FKTN: variants seen among roughly 807,000 people sequenced by gnomAD.
The protein encoded by FKTN is fukutin.
FKTN carries 47 observed loss-of-function variants against 58.6 expected under a neutral mutation model. The ratio of observed to expected loss-of-function variants is 0.80; its 90% CI spans 0.63 to 1.02. FKTN has a LOEUF of 1.02. FKTN is among the 50% of genes least tolerant of loss of function. The pLI, the probability that FKTN is intolerant of heterozygous loss-of-function variation, is 0.00. For synonymous variants in FKTN, 178 were observed against 191.9 expected (o/e 0.93, Z 0.60); for missense variants, 516 against 537.3 (o/e 0.96, Z 0.39).
intron 1 of FKTN, among the ~76,000 whole-genome samples, chr9:105,564,125 C>T (rs1181008797): frequency 6.6e-6 from 1 of 152,194 alleles, no homozygotes; most frequent in East Asian, 1.9e-4. Context: ...ACAGAAAGGA[C>T]ATCCACATCA....
intron 3 of FKTN, among the ~76,000 whole-genome samples, chr9:105,594,608 G>A (rs1038985115): frequency 6.6e-5 from 10 of 152,190 alleles, no homozygotes; most frequent in African/African-American, 2.4e-4. Context: ...GCCAGGTGTG[G>A]TAGTGCATGC....
intron 3 of FKTN, among the ~76,000 whole-genome samples, chr9:105,594,703 G>A (rs1309855902): frequency 2.0e-5 from 3 of 152,132 alleles, no homozygotes; most frequent in Admixed American, 6.5e-5. Flanking sequence ...CCGTGATCAC[G>A]CCACTGCACT....
At chr9:105,589,196 CT>C (rs1158992666) in intron 3 of FKTN, among the ~76,000 whole-genome samples, 4 of 152,138 alleles carry the variant, frequency 2.6e-5, no homozygotes, top group Non-Finnish European at 5.9e-5. Flanking sequence ...TTTTTACATT[CT>C]TTCTGAAGAA....
chr9:105,607,882 C>T lies in FKTN; in HGVS notation c.711C>T (p.His237=). ...LEVLIPKDPM[H]FVEEVPHSRF... The stretch of plus-strand genomic sequence containing the variant: ...TTCTCATTCCAAAGGATCCAATGCA[C>T]TTTGTAGAAGAAGTACCACACTCTA... The change falls in exon 7 of 11, where the codon CAC becomes CAT. Residue 237 remains histidine, a synonymous_variant. Coordinates refer to ENST00000357998, the MANE Select transcript of FKTN (RefSeq NM_001079802.2). 1 of 1,611,672 alleles carries T rather than the reference C, an allele frequency of 6.2e-7. No homozygotes were observed. Among genetic ancestry groups the T allele is most frequent in the Non-Finnish European group, 8.5e-7 (1 of 1,178,068 alleles).
intron 3 of FKTN, among the ~76,000 whole-genome samples, chr9:105,588,044 T>A (rs967998440): frequency 1.3e-5 from 2 of 152,236 alleles, no homozygotes; most frequent in African/African-American, 2.4e-5. Flanking sequence ...TTTCTGAAAG[T>A]ACTACTGTTT....
intron 10 of FKTN, among the ~76,000 whole-genome samples, chr9:105,623,903 A>T (rs1183909246): frequency 6.6e-6 from 1 of 152,234 alleles, no homozygotes; most frequent in Non-Finnish European, 1.5e-5. Context: ...AGGTAGACTT[A>T]GGAGAAATGT....
In FKTN at chr9:105,635,668, A is replaced by G; in HGVS notation, c.*404A>G. ...CTAAGGAAGGATATACTAGTTGAAA[A>G]GAATAACCCACTCCTCTTCTGGGCA... On this transcript the variant is annotated 3_prime_UTR_variant, in exon 11 of 11. Transcript: ENST00000357998. 2 of 1,091,546 alleles carry G rather than the reference A, an allele frequency of 1.8e-6. No individual in the cohort carries two copies. Among genetic ancestry groups the G allele is most frequent in the Non-Finnish European group, 2.2e-6 (2 of 895,742 alleles). 67.6% of individuals were successfully genotyped at this position (1,091,546 alleles called of 1,614,324 possible). A position where few individuals can be genotyped will look rare whatever the true frequency, so the allele number is the denominator to read the frequency against.
intron 3 of FKTN, among the ~76,000 whole-genome samples, chr9:105,582,632 A>G (rs573982834): frequency 1.3e-5 from 2 of 152,208 alleles, no homozygotes; most frequent in African/African-American, 2.4e-5. Context: ...ATAACAGACT[A>G]TACTGATTCT....
Position 105,601,213 on chromosome 9 carries a change from G to T in FKTN, c.234G>T (p.Leu78Phe). ...TACCAGTGTTTCTTATTGATCCTTT[G>T]ATACTGGAATTGATTAATAAGAACT... ...QNVPVFLIDP[L>F]ILELINKNFE... The change falls in exon 5 of 11, where the codon TTG becomes TTT. Residue 78 changes from leucine (L) to phenylalanine (F), a missense_variant. Leu to Phe is a conservative substitution (Grantham distance 22). Coordinates refer to ENST00000357998, the MANE Select transcript of FKTN (RefSeq NM_001079802.2). 1 of 1,609,518 alleles carries T rather than the reference G, an allele frequency of 6.2e-7. No homozygotes were observed. The highest frequency in any genetic ancestry group is 1.1e-5 in the South Asian group (1 of 90,946).
In FKTN at chr9:105,641,112, C is replaced by A. The variant is rs758844123; in HGVS notation, c.*5848C>A. 2 of 152,146 alleles carry A rather than the reference C, an allele frequency of 1.3e-5. No individual in the cohort carries two copies. Among genetic ancestry groups the A allele is most frequent in the Non-Finnish European group, 2.9e-5 (2 of 68,018 alleles). 9.4% of individuals were successfully genotyped at this position (152,146 alleles called of 1,614,324 possible). A position where few individuals can be genotyped will look rare whatever the true frequency, so the allele number is the denominator to read the frequency against. On this transcript the variant is annotated 3_prime_UTR_variant, in exon 11 of 11. Coordinates refer to ENST00000357998, the MANE Select transcript of FKTN (RefSeq NM_001079802.2). Reference sequence around the variant, plus strand: ...GGATGATGAATAAAATTTTTCTAATCTCTTGAGATATCTTGTATTTATTTT... The same window carrying A: ...GGATGATGAATAAAATTTTTCTAATATCTTGAGATATCTTGTATTTATTTT...
At chr9:105,603,898 G>C in intron 5 of FKTN, 1 of 357,146 alleles carries the variant, frequency 2.8e-6, no homozygotes, top group Non-Finnish European at 5.4e-6. Context: ...AAACTCCTGA[G>C]CTCAAGTGAT....
intron 1 of FKTN, among the ~76,000 whole-genome samples, chr9:105,564,908 G>A (rs1839093693): frequency 6.6e-6 from 1 of 152,164 alleles, no homozygotes; most frequent in Non-Finnish European, 1.5e-5. Context: ...GAAAGGTCGG[G>A]TTACCCACAA....
chr9:105,582,692 C>T (rs968517721), intron 3 of FKTN, among the ~76,000 whole-genome samples: 6 of 152,262 alleles, frequency 3.9e-5, no homozygotes, highest in South Asian at 4.2e-4. Flanking sequence ...GTGACATCTT[C>T]AACCCTTTCC....
At chr9:105,593,756 G>GT (rs945928036) in intron 3 of FKTN, among the ~76,000 whole-genome samples, 5 of 152,202 alleles carry the variant, frequency 3.3e-5, no homozygotes, top group Non-Finnish European at 7.3e-5. Context: ...TGAATGAAGT[G>GT]TTTCAGTGAG....
chr9:105,580,244 G>A (rs1433929711), intron 3 of FKTN, among the ~76,000 whole-genome samples: 18 of 152,254 alleles, frequency 1.2e-4, no homozygotes, highest in Admixed American at 3.3e-4. Flanking sequence ...GTTAGTTGAC[G>A]CAGTTTCTTC....
At chr9:105,632,842 A>G (rs1360166773) in intron 10 of FKTN, among the ~76,000 whole-genome samples, 1 of 152,204 alleles carries the variant, frequency 6.6e-6, no homozygotes, top group African/African-American at 2.4e-5. Context: ...AAACCTGTTC[A>G]CATGCTGGAT....
At chr9:105,568,332 A>G (rs1341157695) in intron 1 of FKTN, among the ~76,000 whole-genome samples, 1 of 152,238 alleles carries the variant, frequency 6.6e-6, no homozygotes, top group Non-Finnish European at 1.5e-5. Context: ...TAGCAAAAGA[A>G]ACTACCATCA....
At position 105,637,334 on chromosome 9, in the gene FKTN, A is replaced by G; in HGVS notation, c.*2070A>G. 1.0e-6 allele frequency: 1 copy of G among 985,264 alleles called. No homozygotes were observed. Among genetic ancestry groups the G allele is most frequent in the Non-Finnish European group, 1.2e-6 (1 of 829,814 alleles). 61.0% of individuals were successfully genotyped at this position (985,264 alleles called of 1,614,324 possible). ...AAAGTCTTAAGAGTGTCTGAAATCC[A>G]AGACATCTTGGCCCAATTGACACAG... On this transcript the variant is annotated 3_prime_UTR_variant, in exon 11 of 11. Transcript: ENST00000357998.
At chr9:105,560,695 C>T (rs372560409) in intron 1 of FKTN, among the ~76,000 whole-genome samples, 1 of 152,134 alleles carries the variant, frequency 6.6e-6, no homozygotes, top group African/African-American at 2.4e-5. Context: ...ACTCTAAGCC[C>T]TGTGTTTGAT....
Sources: gnomAD v4.1 joint callset for allele counts (sites outside exome capture counted in the v4.1 genomes callset) on GRCh38, gnomAD v4.1.1 for gene constraint, MANE v1.5 for transcripts, NCBI Gene and HGNC (gene_info 2026-07-23, HGNC 2026-07-21) for gene names.